The following NSMCE2 variants were observed in gnomAD, a reference collection of about 807,000 sequenced individuals.
NSMCE2 encodes the protein NSE2 SUMO ligase component of SMC5/6 complex.
A neutral mutation model predicts 23.8 loss-of-function variants in NSMCE2; 24 were observed. The observed-to-expected ratio is 1.01, with a 90% CI of 0.73 to 1.42. The LOEUF (loss-of-function observed/expected upper bound fraction) is 1.42, where lower values mean the gene tolerates loss of function less well. Among genes scored for constraint, NSMCE2 ranks in the 40% most tolerant of loss-of-function variants. The pLI is 0.00. For synonymous variants in NSMCE2, 92 were observed against 94.1 expected (o/e 0.98, Z 0.13); for missense variants, 284 against 296.5 (o/e 0.96, Z 0.31).
At chr8:125,155,906 G>C (rs912429026) in intron 4 of NSMCE2, 2 of 440,318 alleles carry the variant, frequency 4.5e-6, no homozygotes, top group African/African-American at 4.1e-5. Context: ...CAGGGAAAAT[G>C]ATGGGAATGT....
chr8:125,363,559 A>AGAGAGG (rs1813654173), intron 7 of NSMCE2, among the ~76,000 whole-genome samples: 1 of 125,864 alleles, frequency 7.9e-6, no homozygotes, highest in Non-Finnish European at 1.6e-5. Flanking sequence ...AGAGAGAGAG[A>AGAGAGG]GAGGGAGGGA....
chr8:125,165,405 A>G (rs1027839313), intron 4 of NSMCE2, among the ~76,000 whole-genome samples: 1 of 152,234 alleles, frequency 6.6e-6, no homozygotes, highest in African/African-American at 2.4e-5. Context: ...GTATTTTCCA[A>G]TGAGTGGTGC....
rs148286830 is a variant in NSMCE2 at position 125,218,670 on chromosome 8, C to G, written c.418+36414C>G. Among the ~76,000 whole-genome samples the G allele has an allele frequency of 3.6e-3, 546 of 152,186 alleles. 2 individuals carry two copies. Among genetic ancestry groups the G allele is most frequent in the African/African-American group, 0.013 (522 of 41,510 alleles). On this transcript the variant is annotated intron_variant, in intron 5 of 7. Coordinates refer to ENST00000287437, the MANE Select transcript of NSMCE2 (RefSeq NM_173685.4). ...CAGGTGATCCACCCGCCTCAGCCTTCCAAAGTGCTAGGATTATAGGTGTGA... is the reference window on the plus strand; with the variant it reads ...CAGGTGATCCACCCGCCTCAGCCTTGCAAAGTGCTAGGATTATAGGTGTGA...
chr8:125,145,724 A>T (rs1455876034), intron 3 of NSMCE2, among the ~76,000 whole-genome samples: 1 of 152,156 alleles, frequency 6.6e-6, no homozygotes, highest in Admixed American at 6.5e-5. Flanking sequence ...ATTCAGAAGT[A>T]ATTCTGCAAC....
intron 5 of NSMCE2, among the ~76,000 whole-genome samples, chr8:125,334,772 CTTTTTTTTTTT>C (rs34213706): frequency 7.2e-5 from 4 of 55,870 alleles, no homozygotes; most frequent in Non-Finnish European, 1.2e-4. Context: ...AGTATCTTTT[CTTTTTTTTTTT>C]TTTTTTTTTT....
chr8:125,275,928 G>A (rs746354142), intron 5 of NSMCE2, among the ~76,000 whole-genome samples: 6 of 152,088 alleles, frequency 3.9e-5, no homozygotes, highest in Admixed American at 1.3e-4. Flanking sequence ...TCTTTAGCCC[G>A]ACCTAAATTC....
At chr8:125,265,048 A>T (rs79137969) in intron 5 of NSMCE2, among the ~76,000 whole-genome samples, 9,151 of 152,206 alleles carry the variant, frequency 0.06, 393 homozygotes, top group Non-Finnish European at 0.092. Flanking sequence ...GTAATATTTT[A>T]TGTAGTATCT....
intron 4 of NSMCE2, among the ~76,000 whole-genome samples, chr8:125,163,078 T>G (rs1156785291): frequency 6.6e-6 from 1 of 152,074 alleles, no homozygotes; most frequent in South Asian, 2.1e-4. Flanking sequence ...CAGTTTATAC[T>G]TTCTAAGGCC....
chr8:125,304,271 A>G (rs1415146601), intron 5 of NSMCE2, among the ~76,000 whole-genome samples: 1 of 152,156 alleles, frequency 6.6e-6, no homozygotes, highest in African/African-American at 2.4e-5. Context: ...ATATATAAAG[A>G]TCCTACCAAG....
intron 5 of NSMCE2, among the ~76,000 whole-genome samples, chr8:125,281,819 A>G (rs574454887): frequency 9.9e-5 from 15 of 151,640 alleles, no homozygotes; most frequent in South Asian, 6.2e-4. Flanking sequence ...GCCTCAAGCA[A>G]TCCTCCCACT....
intron 3 of NSMCE2, among the ~76,000 whole-genome samples, chr8:125,147,489 C>G (rs1820754804): frequency 6.6e-6 from 1 of 151,972 alleles, no homozygotes; most frequent in African/African-American, 2.4e-5. Context: ...TGGTGGTGGT[C>G]CCAAGATATC....
Position 125,179,540 on chromosome 8 carries a change from T to A in NSMCE2, c.265-2563T>A, listed in dbSNP as rs189531853. Among the ~76,000 whole-genome samples, 38 of 152,390 alleles carry A rather than the reference T, an allele frequency of 2.5e-4. No individual in the cohort carries two copies. The East Asian group carries it at 6.9e-3, about 28-fold the overall frequency. ...AAAGAGATAATGAGTTGAATGTTTT[T>A]AAATTTCATTTTGATAGCTAGAGTA... On this transcript the variant is annotated intron_variant, in intron 4 of 7. Coordinates refer to ENST00000287437, the MANE Select transcript of NSMCE2 (RefSeq NM_173685.4).
At chr8:125,200,389 C>T (rs1333390931) in intron 5 of NSMCE2, among the ~76,000 whole-genome samples, 2 of 152,174 alleles carry the variant, frequency 1.3e-5, no homozygotes, top group Non-Finnish European at 2.9e-5. Flanking sequence ...AATCTCTCAG[C>T]ATTTGCTTGT....
At chr8:125,270,318 A>G (rs2131082745) in intron 5 of NSMCE2, among the ~76,000 whole-genome samples, 2 of 152,214 alleles carry the variant, frequency 1.3e-5, no homozygotes, top group South Asian at 4.1e-4. Flanking sequence ...TACAAAACTT[A>G]GCGGGGCATG....
chr8:125,282,607 G>C (rs555184119), intron 5 of NSMCE2, among the ~76,000 whole-genome samples: 1 of 152,210 alleles, frequency 6.6e-6, no homozygotes, highest in African/African-American at 2.4e-5. Flanking sequence ...TCAAACGGCT[G>C]TAACCTGGAG....
intron 5 of NSMCE2, among the ~76,000 whole-genome samples, chr8:125,253,939 T>C (rs1288307109): frequency 1.3e-5 from 2 of 152,214 alleles, no homozygotes; most frequent in Non-Finnish European, 2.9e-5. Flanking sequence ...GTCATAGTCA[T>C]CATGACTTCT....
intron 5 of NSMCE2, among the ~76,000 whole-genome samples, chr8:125,292,792 A>G (rs995657543): frequency 2.0e-5 from 3 of 152,210 alleles, no homozygotes; most frequent in African/African-American, 4.8e-5. Context: ...AAAAGTAGTT[A>G]TTTAATCAGA....
intron 4 of NSMCE2, among the ~76,000 whole-genome samples, chr8:125,165,203 A>G (rs2130742067): frequency 6.6e-6 from 1 of 152,338 alleles, no homozygotes; most frequent in Non-Finnish European, 1.5e-5. Context: ...GGGCTGTGGC[A>G]AGGATTAAAT....
intron 3 of NSMCE2, among the ~76,000 whole-genome samples, chr8:125,118,989 T>A (rs1819146784): frequency 6.6e-6 from 1 of 152,216 alleles, no homozygotes; most frequent in African/African-American, 2.4e-5. Context: ...GCGCATAAAT[T>A]TCTTGTAATT....
Sources: gnomAD v4.1 joint callset for allele counts (sites outside exome capture counted in the v4.1 genomes callset) on GRCh38, gnomAD v4.1.1 for gene constraint, MANE v1.5 for transcripts, NCBI Gene and HGNC (gene_info 2026-07-23, HGNC 2026-07-21) for gene names.